CNTFR: variants seen among roughly 807,000 people sequenced by gnomAD.
CNTFR encodes ciliary neurotrophic factor receptor, also known as ciliary neurotrophic factor receptor subunit alpha.
In CNTFR, 12 loss-of-function variants were observed where a neutral mutation model predicts 40.4. The observed-to-expected ratio is 0.30, with a 90% CI of 0.19 to 0.48. The LOEUF (loss-of-function observed/expected upper bound fraction) is 0.48. CNTFR is among the 20% of genes least tolerant of loss of function. The pLI is 0.99. For missense variants in CNTFR, 414 were observed against 506.8 expected (o/e 0.82, Z 1.76); for synonymous variants, 202 against 209.6 (o/e 0.96, Z 0.31).
chr9:34,578,127 G>C (rs1207165006), intron 2 of CNTFR, among the ~76,000 whole-genome samples: 1 of 151,950 alleles, frequency 6.6e-6, no homozygotes, highest in Admixed American at 6.6e-5. Context: ...AACGACCCGG[G>C]AGGCAGAAGC....
At chr9:34,578,241 G>A (rs1827092264) in intron 2 of CNTFR, among the ~76,000 whole-genome samples, 1 of 152,226 alleles carries the variant, frequency 6.6e-6, no homozygotes, top group Non-Finnish European at 1.5e-5. Context: ...CGGGCCGGGA[G>A]GAGGGGAGGA....
intron 3 of CNTFR, 34 bp downstream of exon 3, chr9:34,568,862 AG>A (rs1227106797): frequency 1.9e-6 from 3 of 1,544,684 alleles, no homozygotes; most frequent in Non-Finnish European, 1.8e-6. Context: ...CAGCTCTGAG[AG>A]GGGGGTCAGC....
intron 1 of CNTFR, among the ~76,000 whole-genome samples, chr9:34,581,641 G>T (rs922037246): frequency 1.3e-5 from 2 of 152,182 alleles, no homozygotes; most frequent in Non-Finnish European, 1.5e-5. Flanking sequence ...TTATATGCCA[G>T]GAACTGTGTT....
intron 4 of CNTFR, among the ~76,000 whole-genome samples, chr9:34,558,540 G>A (rs1156361881): frequency 6.6e-6 from 1 of 152,216 alleles, no homozygotes; most frequent in Non-Finnish European, 1.5e-5. Flanking sequence ...GTAGATGTCT[G>A]CATGCAGGGG....
At chr9:34,575,994 C>T (rs990484036) in intron 2 of CNTFR, among the ~76,000 whole-genome samples, 59 of 152,164 alleles carry the variant, frequency 3.9e-4, no homozygotes, top group Admixed American at 1.7e-3. Context: ...GGCGTGAGTA[C>T]GTGCACACAC....
rs186878497 is a variant in CNTFR at position 34,555,121 on chromosome 9, T to C, written c.768+1134A>G. On this transcript the variant is annotated intron_variant, in intron 7 of 9. Transcript: ENST00000378980. ...GCGTGTGCGCCGCGACGCGCGGGGC[T>C]GCTGCCTGTAGCTCGTTAGCGGGGG... Among the ~76,000 whole-genome samples, 156 of 152,362 alleles carry C rather than the reference T, an allele frequency of 1.0e-3. 2 individuals are homozygous for C. In the South Asian group the frequency reaches 0.013, roughly 12 times the overall value.
At chr9:34,573,486 G>A (rs1365246546) in intron 2 of CNTFR, among the ~76,000 whole-genome samples, 1 of 152,180 alleles carries the variant, frequency 6.6e-6, no homozygotes, top group Non-Finnish European at 1.5e-5. Context: ...AAGTGACCTC[G>A]AAGCAAGGTT....
At chr9:34,564,868 G>A in intron 3 of CNTFR, 36 bp from the exon 4 acceptor site, 1 of 1,588,054 alleles carries the variant, frequency 6.3e-7, no homozygotes, top group Non-Finnish European at 8.6e-7. Flanking sequence ...AAAGTCACAG[G>A]TCACAGCCCG....
rs572859400 is a variant in CNTFR, at chr9:34,582,980, G to A, written c.-111-1775C>T. On this transcript the variant is annotated intron_variant, in intron 1 of 9. Coordinates refer to ENST00000378980, the MANE Select transcript of CNTFR (RefSeq NM_147164.3). ...TATGTGTGTGTGCGTATTGTGGGGGGAGCATGCAGAGTCTGTATAGCTACG... is the reference window on the plus strand; with the variant it reads ...TATGTGTGTGTGCGTATTGTGGGGGAAGCATGCAGAGTCTGTATAGCTACG... Among the ~76,000 whole-genome samples the A allele has an allele frequency of 1.1e-4, 16 of 152,294 alleles. No individual in the cohort carries two copies. The South Asian group carries it at 3.3e-3, about 32-fold the overall frequency.
At chr9:34,571,561 T>TACACACACACACACACAC in intron 2 of CNTFR, 1 of 148,544 alleles carries the variant, frequency 6.7e-6, no homozygotes, top group Non-Finnish European at 1.5e-5. Context: ...CGCGTGCGCA[T>TACACACACACACACACAC]ACACACACAC....
chr9:34,577,891 C>T lies in CNTFR; in HGVS notation c.-1+3204G>A, dbSNP rs370111697. Among the ~76,000 whole-genome samples the T allele has an allele frequency of 4.8e-5, 6 of 125,882 alleles. No homozygotes were observed. The East Asian group carries it at 1.2e-3, about 26-fold the overall frequency. The allele number at this position is 125,882 out of a possible 152,430, so 82.6% of individuals were successfully genotyped here. A position where few individuals can be genotyped will look rare whatever the true frequency, so the allele number is the denominator to read the frequency against. On this transcript the variant is annotated intron_variant, in intron 2 of 9. Transcript: ENST00000378980. ...GAGCGCGCCGAGCAGCCGCGGGGGGCGGAGGCCGAGAAAGGAGCGGGAAGC... is the reference window on the plus strand; with the variant it reads ...GAGCGCGCCGAGCAGCCGCGGGGGGTGGAGGCCGAGAAAGGAGCGGGAAGC...
intron 4 of CNTFR, among the ~76,000 whole-genome samples, chr9:34,563,963 C>T (rs1290952207): frequency 1.3e-5 from 2 of 152,182 alleles, no homozygotes; most frequent in East Asian, 1.9e-4. Context: ...GCCCCCCGTC[C>T]CTTCCTTCAG....
At chr9:34,566,526 G>A (rs1410267096) in intron 3 of CNTFR, among the ~76,000 whole-genome samples, 1 of 152,066 alleles carries the variant, frequency 6.6e-6, no homozygotes, top group Non-Finnish European at 1.5e-5. Context: ...CAGTCCACCA[G>A]CTCCAGCCAC....
In CNTFR at chr9:34,564,797, C is replaced by G. The variant is rs768495253; in HGVS notation, c.121G>C (p.Asp41His). The change falls in exon 4 of 10, where the codon GAC (aspartate) becomes CAC (histidine). Residue 41 changes from aspartate to histidine, a missense_variant. Physicochemically the swap from Asp to His is moderately conservative, Grantham distance 81. This residue lies in a region of CNTFR where 250 missense variants were observed against 269.5 expected (regional missense o/e 0.93). Coordinates refer to ENST00000378980, the MANE Select transcript of CNTFR (RefSeq NM_147164.3). ...PHVQYERLGSDVTLPCGTANW... is the reference protein window; with the variant it reads ...PHVQYERLGSHVTLPCGTANW... ...GCTGTCCCACATGGCAGTGTCACGT[C>G]AGAGCCCAGGCGCTCGTACTGCACA... is the stretch of plus-strand genomic sequence containing the variant. 1.2e-6 allele frequency: 2 copies of G among 1,613,870 alleles called. No individual in the cohort carries two copies. The highest frequency in any genetic ancestry group is 1.7e-5 in the Admixed American group (1 of 60,018).
intron 2 of CNTFR, chr9:34,570,196 A>G (rs1376417632): frequency 6.6e-6 from 1 of 152,314 alleles, no homozygotes; most frequent in East Asian, 1.9e-4. Context: ...ACTGCCCCAA[A>G]CCACCAGACA....
chr9:34,556,609 T>C (rs1825844289), intron 6 of CNTFR, among the ~76,000 whole-genome samples, 191 bp from the exon 7 acceptor site: 3 of 152,160 alleles, frequency 2.0e-5, no homozygotes, highest in Admixed American at 1.3e-4. Flanking sequence ...AAGTCTGATA[T>C]CCCCATCATC....
rs147683489 is a variant in CNTFR at position 34,567,325 on chromosome 9, C to T, written c.85+1572G>A. ...AGAGGGACAGAGCTGACGGCTCCCT[C>T]ACACCTGCACACACAGGCTCACAGG... On this transcript the variant is annotated intron_variant, in intron 3 of 9. Transcript: ENST00000378980. Among the ~76,000 whole-genome samples, 5 of 152,282 alleles carry T rather than the reference C, an allele frequency of 3.3e-5. No homozygotes were observed. The South Asian group carries it at 8.3e-4, about 25-fold the overall frequency.
Position 34,552,948 on chromosome 9 carries a change from GAGAGT to G in CNTFR, c.769-99_769-95del, listed in dbSNP as rs1825698517. 8.1e-7 allele frequency: 1 copy of G among 1,234,248 alleles called. No individual in the cohort carries two copies. Among genetic ancestry groups the G allele is most frequent in the Non-Finnish European group, 1.1e-6 (1 of 873,294 alleles). The allele number at this position is 1,234,248 out of a possible 1,614,324, so 76.5% of individuals were successfully genotyped here. On this transcript the variant is annotated intron_variant, in intron 7 of 9. Coordinates refer to ENST00000378980, the MANE Select transcript of CNTFR (RefSeq NM_147164.3). This position sits in a 1 kb window ranked among gnomAD's most constrained non-coding sequence, Gnocchi z 5.1. ...GAAGTGAGCATGCCTCTGAGGAGAG[GAGAGT>G]AAAGGGCTCTGGGGGCAGTGAGGAC... is the stretch of plus-strand genomic sequence containing the variant.
chr9:34,556,440 A>G (rs748708317), intron 6 of CNTFR, 22 bp from the exon 7 acceptor site: 3 of 1,574,380 alleles, frequency 1.9e-6, no homozygotes, highest in Non-Finnish European at 2.6e-6. Flanking sequence ...ACATAGCTTC[A>G]TTACTACACT....
Sources: gnomAD v4.1 joint callset for allele counts (sites outside exome capture counted in the v4.1 genomes callset) on GRCh38, gnomAD v4.1.1 for gene constraint, gnomAD v4.1.1 regional missense constraint, Gnocchi (gnomAD v3.1) non-coding constraint, MANE v1.5 for transcripts, NCBI Gene and HGNC (gene_info 2026-07-23, HGNC 2026-07-21) for gene names.